Variants in KCNT2 observed in about 807,000 individuals in gnomAD.
KCNT2 encodes potassium sodium-activated channel subfamily T member 2, also known as potassium channel subfamily T member 2.
Under a neutral mutation model 153.8 loss-of-function variants are expected in KCNT2, and 67 were observed. That is an observed-to-expected ratio of 0.44 (90% CI 0.36 to 0.53). KCNT2 has a LOEUF of 0.53. KCNT2 is among the 20% of genes least tolerant of loss of function. KCNT2 has a pLI of 0.00. For missense variants in KCNT2, 975 were observed against 1,354.8 expected, an observed-to-expected ratio of 0.72 and a Z score of 4.40; for synonymous variants, 500 against 458.8, an observed-to-expected ratio of 1.09 and a Z score of -1.15.
chr1:196,434,054 A>G (rs1674401256), intron 8 of KCNT2, among the ~76,000 whole-genome samples: 1 of 152,062 alleles, frequency 6.6e-6, no homozygotes, highest in Non-Finnish European at 1.5e-5. Context: ...GAGCTGCCAG[A>G]CTGTAAACAT....
intron 15 of KCNT2, among the ~76,000 whole-genome samples, chr1:196,341,583 A>T (rs1665636558): frequency 6.6e-6 from 1 of 151,954 alleles, no homozygotes; most frequent in Non-Finnish European, 1.5e-5. Flanking sequence ...TTTACTTCTT[A>T]AGTAAATCCT....
intron 14 of KCNT2, among the ~76,000 whole-genome samples, chr1:196,366,708 C>T (rs1234280849): frequency 6.6e-6 from 1 of 152,094 alleles, no homozygotes; most frequent in Admixed American, 6.6e-5. Context: ...CATAGCACTA[C>T]TGCCAGCAGA....
At chr1:196,488,083 G>A (rs1174501548) in intron 3 of KCNT2, among the ~76,000 whole-genome samples, 1 of 151,896 alleles carries the variant, frequency 6.6e-6, no homozygotes, top group Non-Finnish European at 1.5e-5. Flanking sequence ...TTCACACATG[G>A]TATATTAACA....
chr1:196,408,514 A>G (rs945930837), intron 12 of KCNT2, among the ~76,000 whole-genome samples: 21 of 151,662 alleles, frequency 1.4e-4, no homozygotes, highest in Admixed American at 2.6e-4. Context: ...TTGCTATTAA[A>G]TTTTAAACCT....
chr1:196,227,235 T>C lies in KCNT2; in HGVS notation c.*989A>G, dbSNP rs1653557129. The C allele has an allele frequency of 6.6e-6, 1 of 152,052 alleles. No homozygotes were observed. Among genetic ancestry groups the C allele is most frequent in the South Asian group, 2.1e-4 (1 of 4,830 alleles). The allele number at this position is 152,052 out of a possible 1,614,324, so 9.4% of individuals were successfully genotyped here. On this transcript the variant is annotated 3_prime_UTR_variant, in exon 28 of 28. Transcript: ENST00000294725. ...TCATTACCAAAGACATAAGGACTTT[T>C]AATGTTTTGAAGTGTCTTCAGAGTC... is the stretch of plus-strand genomic sequence containing the variant.
In KCNT2 at chr1:196,608,295, C is replaced by G; in HGVS notation, c.15G>C (p.Glu5Asp). The stretch of plus-strand genomic sequence containing the variant: ...TGGGAGGCAGAGGGGGCACTTCGCT[C>G]TCCAAATCAACCATCCTTCCTCAAA... MVDL[E>D]SEVPPLPPRY... Residue 5 changes from glutamate (E) to aspartate (D), a missense_variant, in exon 1 of 28, where the codon GAG (glutamate) becomes GAC (aspartate). By Grantham distance (45) the Glu-to-Asp change is conservative. Around this residue, in one of 6 missense-constraint regions of KCNT2, gnomAD observed 140 missense variants for 216.0 expected, o/e 0.65. Coordinates refer to ENST00000294725, the MANE Select transcript of KCNT2 (RefSeq NM_198503.5). 6.2e-7 allele frequency: 1 copy of G among 1,613,966 alleles called. No homozygotes were observed. Among genetic ancestry groups the G allele is most frequent in the Non-Finnish European group, 8.5e-7 (1 of 1,179,834 alleles).
At chr1:196,512,315 T>G (rs996201737) in intron 1 of KCNT2, among the ~76,000 whole-genome samples, 1 of 152,136 alleles carries the variant, frequency 6.6e-6, no homozygotes, top group Non-Finnish European at 1.5e-5. Context: ...CAAGTATATG[T>G]CCAGGATTGC....
intron 1 of KCNT2, among the ~76,000 whole-genome samples, chr1:196,547,957 G>A (rs373606190): frequency 7.9e-5 from 12 of 151,816 alleles, no homozygotes; most frequent in Admixed American, 1.3e-4. Context: ...GATCTGGTAC[G>A]TCTATAGTGG....
At chr1:196,340,200 C>T in intron 16 of KCNT2, 141 bp downstream of exon 16, 5 of 571,318 alleles carry the variant, frequency 8.8e-6, no homozygotes, top group Non-Finnish European at 1.5e-5. Flanking sequence ...GTCCTGTATA[C>T]CTAGTCATAC....
chr1:196,553,643 A>G (rs1572810114), intron 1 of KCNT2, among the ~76,000 whole-genome samples: 1 of 151,310 alleles, frequency 6.6e-6, no homozygotes, highest in East Asian at 1.9e-4. Flanking sequence ...AATGAACACA[A>G]TAGATATTTA....
intron 1 of KCNT2, among the ~76,000 whole-genome samples, chr1:196,523,351 G>A (rs1179365706): frequency 6.6e-6 from 1 of 152,186 alleles, no homozygotes; most frequent in Non-Finnish European, 1.5e-5. Context: ...CTTGAAGTCA[G>A]CAAGACCAAG....
intron 1 of KCNT2, among the ~76,000 whole-genome samples, chr1:196,559,203 T>C (rs1445012196): frequency 6.6e-6 from 1 of 151,670 alleles, no homozygotes; most frequent in East Asian, 1.9e-4. Context: ...AGTAAATAAA[T>C]GGAATGCTCT....
At chr1:196,567,944 C>G (rs1660305966) in intron 1 of KCNT2, among the ~76,000 whole-genome samples, 1 of 152,142 alleles carries the variant, frequency 6.6e-6, no homozygotes, top group Non-Finnish European at 1.5e-5. Context: ...TTTCACAATT[C>G]TTAGCAGCTC....
intron 8 of KCNT2, among the ~76,000 whole-genome samples, chr1:196,462,885 G>C (rs1291427914): frequency 1.3e-5 from 2 of 151,520 alleles, no homozygotes; most frequent in East Asian, 3.9e-4. Flanking sequence ...TATTCAGCTG[G>C]ATATACTACT....
chr1:196,528,389 T>C (rs1200429361), intron 1 of KCNT2, among the ~76,000 whole-genome samples: 1 of 152,194 alleles, frequency 6.6e-6, no homozygotes, highest in Non-Finnish European at 1.5e-5. Flanking sequence ...AAATTCTATG[T>C]TGCCATTTCC....
chr1:196,340,098 C>A (rs1344138657), intron 16 of KCNT2, among the ~76,000 whole-genome samples: 4 of 152,120 alleles, frequency 2.6e-5, no homozygotes, highest in South Asian at 2.1e-4. Context: ...AATTCTTCCA[C>A]CTCAGCCTCT....
intron 1 of KCNT2, among the ~76,000 whole-genome samples, chr1:196,539,319 G>A (rs1359951730): frequency 6.6e-6 from 1 of 152,096 alleles, no homozygotes; most frequent in African/African-American, 2.4e-5. Flanking sequence ...ATGGGCTGCT[G>A]GGAATACAGT....
intron 13 of KCNT2, among the ~76,000 whole-genome samples, chr1:196,378,511 G>A (rs1160307238): frequency 6.6e-6 from 1 of 151,774 alleles, no homozygotes; most frequent in Non-Finnish European, 1.5e-5. Flanking sequence ...CCAAGTTTTA[G>A]TGGCGCTATA....
chr1:196,349,931 C>T (rs1666500539), intron 14 of KCNT2, among the ~76,000 whole-genome samples: 1 of 151,666 alleles, frequency 6.6e-6, no homozygotes, highest in Non-Finnish European at 1.5e-5. Context: ...TTGTTAAATT[C>T]CTATCTATGA....
Sources: gnomAD v4.1 joint callset for allele counts (sites outside exome capture counted in the v4.1 genomes callset) on GRCh38, gnomAD v4.1.1 for gene constraint, gnomAD v4.1.1 regional missense constraint, MANE v1.5 for transcripts, NCBI Gene and HGNC (gene_info 2026-07-23, HGNC 2026-07-21) for gene names.